KCNJ15: variants seen among roughly 807,000 people sequenced by gnomAD.
The protein encoded by KCNJ15 is potassium inwardly rectifying channel subfamily J member 15, also known as ATP-sensitive inward rectifier potassium channel 15.
A neutral mutation model predicts 23.0 loss-of-function variants in KCNJ15; 14 were observed. The ratio of observed to expected loss-of-function variants is 0.61; its 90% CI spans 0.40 to 0.95. The LOEUF (loss-of-function observed/expected upper bound fraction) is 0.95. KCNJ15 is among the 40% of genes least tolerant of loss of function. The pLI is 0.00. For missense variants in KCNJ15, 388 were observed against 461.8 expected (o/e 0.84, Z 1.46); for synonymous variants, 185 against 183.2 (o/e 1.01, Z -0.08).
At position 38,270,664 on chromosome 21, in the gene KCNJ15, GC is replaced by G. The variant is rs961509169; in HGVS notation, c.-117+13482del. Reference sequence around the variant, plus strand: ...CATATTGCCTCCCTATCACCAAAATGCCCAACACGAAGTTGAACATGGCATA... The same window carrying G: ...CATATTGCCTCCCTATCACCAAAATGCCAACACGAAGTTGAACATGGCATA... On this transcript the variant is annotated intron_variant, in intron 1 of 2. Transcript: ENST00000398938. Among the ~76,000 whole-genome samples, 5 of 152,056 alleles carry G rather than the reference GC, an allele frequency of 3.3e-5. No individual in the cohort carries two copies. In the East Asian group the frequency reaches 9.6e-4, roughly 29 times the overall value.
At chr21:38,239,750 T>C (rs549649137) in intron 1 of KCNJ15, among the ~76,000 whole-genome samples, 1 of 152,282 alleles carries the variant, frequency 6.6e-6, no homozygotes, top group South Asian at 2.1e-4. Context: ...CCACTCCTAG[T>C]GTGGAGAAGT....
At chr21:38,237,709 G>A (rs1028115416) in intron 1 of KCNJ15, among the ~76,000 whole-genome samples, 1 of 152,172 alleles carries the variant, frequency 6.6e-6, no homozygotes, top group African/African-American at 2.4e-5. Context: ...AGGATCAATG[G>A]TGTTGAGGTA....
At chr21:38,235,369 C>T (rs1978533011) in intron 1 of KCNJ15, among the ~76,000 whole-genome samples, 1 of 152,040 alleles carries the variant, frequency 6.6e-6, no homozygotes. Flanking sequence ...GCCTGGCCAA[C>T]ATGGTGAATC....
At chr21:38,280,601 T>G (rs185344598) in intron 1 of KCNJ15, among the ~76,000 whole-genome samples, 3 of 152,276 alleles carry the variant, frequency 2.0e-5, no homozygotes. Flanking sequence ...AAATCTTGGT[T>G]TCCAGCTATG....
At chr21:38,298,188 G>T (rs1985364537) in intron 2 of KCNJ15, 1 of 152,206 alleles carries the variant, frequency 6.6e-6, no homozygotes, top group Non-Finnish European at 1.5e-5. Flanking sequence ...GGTACTAGAA[G>T]ATGCTAGGGG....
chr21:38,274,470 C>A (rs75254817), intron 1 of KCNJ15, among the ~76,000 whole-genome samples: 7,524 of 152,262 alleles, frequency 0.049, 451 homozygotes, highest in East Asian at 0.31. Context: ...ACTTGTCTTC[C>A]TTCCACTTCC....
chr21:38,306,775 T>C lies in KCNJ15; in HGVS notation c.*6386T>C, dbSNP rs1240917288. The stretch of plus-strand genomic sequence containing the variant: ...ATTTCTGTAAGGTGTCATGGAATTG[T>C]AAGTTACAAAAATAAGGCTTTTGTA... On this transcript the variant is annotated 3_prime_UTR_variant, in exon 3 of 3. Transcript: ENST00000398938. 6.6e-6 allele frequency: 1 copy of C among 152,224 alleles called. No individual in the cohort carries two copies. Among genetic ancestry groups the C allele is most frequent in the Non-Finnish European group, 1.5e-5 (1 of 68,048 alleles). 9.4% of individuals were successfully genotyped at this position (152,224 alleles called of 1,614,324 possible).
rs1040493334 is a variant in KCNJ15, at chr21:38,302,004, GCA to G, written c.*1620_*1621del. ...CATGCACACACGCGCGTGCACACACGCACACATGCACACACACATACGCACAC... is the reference window on the plus strand; with the variant it reads ...CATGCACACACGCGCGTGCACACACGCACATGCACACACACATACGCACAC... On this transcript the variant is annotated 3_prime_UTR_variant, in exon 3 of 3. Coordinates refer to ENST00000398938, the MANE Select transcript of KCNJ15 (RefSeq NM_170736.3). 4 of 139,354 alleles carry G rather than the reference GCA, an allele frequency of 2.9e-5. No homozygotes were observed. The highest frequency in any genetic ancestry group is 1.3e-4 in the African/African-American group (4 of 31,170). 8.6% of individuals were successfully genotyped at this position (139,354 alleles called of 1,614,324 possible). A position where few individuals can be genotyped will look rare whatever the true frequency, so the allele number is the denominator to read the frequency against.
At position 38,280,699 on chromosome 21, in the gene KCNJ15, A is replaced by G. The variant is rs117723998; in HGVS notation, c.-116-16227A>G. ...ATCATTTTGTAATACTGTATGGGTG[A>G]TTTATAAGCTGTGTTTTTTTAAAGA... On this transcript the variant is annotated intron_variant, in intron 1 of 2. Transcript: ENST00000398938. Among the ~76,000 whole-genome samples the G allele has an allele frequency of 2.3e-4, 35 of 152,192 alleles. No individual in the cohort carries two copies. The East Asian group carries it at 4.1e-3, about 18-fold the overall frequency.
chr21:38,279,066 G>A (rs1169727064), intron 1 of KCNJ15, among the ~76,000 whole-genome samples: 1 of 152,234 alleles, frequency 6.6e-6, no homozygotes, highest in Non-Finnish European at 1.5e-5. Flanking sequence ...AAGAAAATGT[G>A]TGGATCTAAA....
intron 1 of KCNJ15, among the ~76,000 whole-genome samples, chr21:38,260,017 G>T (rs1234685305): frequency 5.9e-5 from 9 of 152,154 alleles, no homozygotes; most frequent in African/African-American, 2.2e-4. Flanking sequence ...GAGAGGGAGA[G>T]AAACTAAGTT....
intron 1 of KCNJ15, among the ~76,000 whole-genome samples, chr21:38,269,291 T>C (rs1981827347): frequency 6.6e-6 from 1 of 152,198 alleles, no homozygotes; most frequent in African/African-American, 2.4e-5. Context: ...AGCCAGAGTC[T>C]GTCCGTTAAA....
chr21:38,258,186 C>G (rs1262763599), intron 1 of KCNJ15, among the ~76,000 whole-genome samples: 4 of 152,146 alleles, frequency 2.6e-5, no homozygotes, highest in Non-Finnish European at 4.4e-5. Context: ...ATCCTATCTT[C>G]TTTTGTCCTC....
At chr21:38,252,502 C>T (rs952737382), upstream of KCNJ15, among the ~76,000 whole-genome samples, 11 of 152,170 alleles carry the variant, frequency 7.2e-5, no homozygotes, top group African/African-American at 1.7e-4. Flanking sequence ...GATTTAGTTA[C>T]TAATCAAACT....
At chr21:38,289,411 T>C (rs1569012079) in intron 1 of KCNJ15, among the ~76,000 whole-genome samples, 1 of 152,062 alleles carries the variant, frequency 6.6e-6, no homozygotes, top group Non-Finnish European at 1.5e-5. Flanking sequence ...GAGATTCCAC[T>C]AGCCTGTTGA....
In KCNJ15 at chr21:38,299,813, A is replaced by G; in HGVS notation, c.552A>G (p.Ala184=). The part of the protein sequence containing the change: ...RAETIKFSHC[A]VITKQNGKLC... ...AGACCATCAAGTTCAGCCACTGTGC[A>G]GTCATCACCAAGCAGAATGGGAAGC... The change falls in exon 3 of 3, where the codon GCA becomes GCG. Residue 184 remains alanine, a synonymous_variant. Coordinates refer to ENST00000398938, the MANE Select transcript of KCNJ15 (RefSeq NM_170736.3). The surrounding 1 kb of genome is among the most constrained non-coding windows in gnomAD (Gnocchi z 4.5). 3 of 1,614,144 alleles carry G rather than the reference A, an allele frequency of 1.9e-6. No homozygotes were observed. Among genetic ancestry groups the G allele is most frequent in the Non-Finnish European group, 1.7e-6 (2 of 1,180,024 alleles).
intron 1 of KCNJ15, among the ~76,000 whole-genome samples, chr21:38,277,398 G>A (rs978983854): frequency 2.0e-5 from 3 of 152,138 alleles, no homozygotes; most frequent in East Asian, 1.9e-4. Flanking sequence ...GTGCACGTGC[G>A]TTTAGGGGCG....
At chr21:38,238,459 C>T (rs1348501923) in intron 1 of KCNJ15, 6 of 661,460 alleles carry the variant, frequency 9.1e-6, no homozygotes, top group Admixed American at 3.6e-5. Flanking sequence ...CTTGGCCTGG[C>T]GGTCTCCACA....
chr21:38,273,537 G>A (rs1182613045), intron 1 of KCNJ15, among the ~76,000 whole-genome samples: 1 of 152,118 alleles, frequency 6.6e-6, no homozygotes, highest in Non-Finnish European at 1.5e-5. Context: ...CTATTTCCAT[G>A]TCCTGTCAAT....
Sources: allele counts gnomAD v4.1 joint callset (sites outside exome capture counted in the v4.1 genomes callset), GRCh38; gene constraint gnomAD v4.1.1; non-coding constraint Gnocchi (gnomAD v3.1); transcripts MANE v1.5; gene names NCBI Gene and HGNC (gene_info 2026-07-23, HGNC 2026-07-21).